OCIAD1: variants seen among roughly 807,000 people sequenced by gnomAD.
OCIAD1 encodes the protein OCIA domain-containing protein 1.
In OCIAD1, 29 loss-of-function variants were observed where a neutral mutation model predicts 38.9. The ratio of observed to expected loss-of-function variants is 0.74; its 90% CI spans 0.55 to 1.02. OCIAD1 has a LOEUF of 1.02. OCIAD1 is among the 50% of genes least tolerant of loss of function. OCIAD1 has a pLI of 0.00. For missense variants in OCIAD1, 288 were observed against 289.6 expected, an observed-to-expected ratio of 0.99 and a Z score of 0.04; for synonymous variants, 110 against 92.0, an observed-to-expected ratio of 1.20 and a Z score of -1.12.
intron 8 of OCIAD1, among the ~76,000 whole-genome samples, chr4:48,857,876 AG>A (rs2109626178): frequency 1.3e-5 from 2 of 152,276 alleles, no homozygotes; most frequent in South Asian, 4.1e-4. Context: ...AGTCAAGGCC[AG>A]GTGTGGTGTC....
At chr4:48,852,282 A>G (rs1779554504) in intron 7 of OCIAD1, 2 of 226,672 alleles carry the variant, frequency 8.8e-6, no homozygotes, top group East Asian at 1.8e-4. Flanking sequence ...AGTAATTGAA[A>G]ATACTAAGGC....
chr4:48,852,722 AT>A (rs1779597103), intron 7 of OCIAD1, among the ~76,000 whole-genome samples: 1 of 152,138 alleles, frequency 6.6e-6, no homozygotes, highest in African/African-American at 2.4e-5. Flanking sequence ...ATCAGAGGCA[AT>A]GTCTGGCAAA....
chr4:48,846,624 T>A (rs1779000420), intron 4 of OCIAD1, among the ~76,000 whole-genome samples: 1 of 151,980 alleles, frequency 6.6e-6, no homozygotes, highest in South Asian at 2.1e-4. Flanking sequence ...GGTGTGCACC[T>A]GTAGTCCCAG....
chr4:48,819,566 A>G (rs753898897), intron 1 of OCIAD1, among the ~76,000 whole-genome samples: 14 of 152,078 alleles, frequency 9.2e-5, no homozygotes, highest in Admixed American at 3.3e-4. Context: ...CTTCAGTGTA[A>G]ATGGGCTAAA....
chr4:48,859,886 T>C (rs1218108765), intron 8 of OCIAD1, among the ~76,000 whole-genome samples: 1 of 152,206 alleles, frequency 6.6e-6, no homozygotes, highest in African/African-American at 2.4e-5. Context: ...CCACACATCC[T>C]GTAGCTTCTA....
At position 48,833,389 on chromosome 4, in the gene OCIAD1, C is replaced by T. The variant is rs763185353; in HGVS notation, c.59-12C>T. The T allele has an allele frequency of 2.7e-6, 4 of 1,504,126 alleles. No homozygotes were observed. Among genetic ancestry groups the T allele is most frequent in the Non-Finnish European group, 3.7e-6 (4 of 1,092,642 alleles). 93.2% of individuals were successfully genotyped at this position (1,504,126 alleles called of 1,614,324 possible). ...GATAATTTAATGTTTTCTGATTTTC[C>T]CTGGTAAAAAGACATAGGGCCTGAT... On this transcript the variant is annotated splice_polypyrimidine_tract_variant and intron_variant, in intron 2 of 8. Coordinates refer to ENST00000264312, the MANE Select transcript of OCIAD1 (RefSeq NM_017830.4).
chr4:48,837,067 G>T lies in OCIAD1; in HGVS notation c.139+3586G>T, dbSNP rs1187248538. ...GCTCACTGCAAGCTCCGCCTCCTGG[G>T]TTCATACCATTCTCCTGCCTCAGCC... On this transcript the variant is annotated intron_variant, in intron 3 of 8. Transcript: ENST00000264312. 3.9e-5 allele frequency: 6 copies of T among 152,184 alleles called. No individual in the cohort carries two copies. In the East Asian group the frequency reaches 1.2e-3, roughly 29 times the overall value. The allele number at this position is 152,184 out of a possible 1,614,324, so 9.4% of individuals were successfully genotyped here. A position where few individuals can be genotyped will look rare whatever the true frequency, so the allele number is the denominator to read the frequency against.
chr4:48,833,145 G>A (rs540347559), intron 2 of OCIAD1, among the ~76,000 whole-genome samples: 36 of 152,212 alleles, frequency 2.4e-4, no homozygotes, highest in African/African-American at 8.4e-4. Flanking sequence ...CAGCTACTCG[G>A]AAGGCTGAGG....
chr4:48,844,708 A>G (rs1002261180), intron 4 of OCIAD1, among the ~76,000 whole-genome samples: 2 of 152,158 alleles, frequency 1.3e-5, no homozygotes, highest in Admixed American at 1.3e-4. Context: ...GACATTTTGT[A>G]CAGTGGTCCT....
chr4:48,861,040 T>C lies in OCIAD1; in HGVS notation c.*278T>C, dbSNP rs1780559210. On this transcript the variant is annotated 3_prime_UTR_variant, in exon 9 of 9. Transcript: ENST00000264312. ...ATTGTTGCAAGGGCAAAGATAACTCTTAAAAAACCGTCGAGATTACAATGC... is the reference window on the plus strand; with the variant it reads ...ATTGTTGCAAGGGCAAAGATAACTCCTAAAAAACCGTCGAGATTACAATGC... The C allele has an allele frequency of 2.8e-6, 1 of 351,314 alleles. No individual in the cohort carries two copies. The highest frequency in any genetic ancestry group is 2.1e-5 in the African/African-American group (1 of 47,016). 21.8% of individuals were successfully genotyped at this position (351,314 alleles called of 1,614,324 possible). A position where few individuals can be genotyped will look rare whatever the true frequency, so the allele number is the denominator to read the frequency against.
chr4:48,845,964 A>G lies in OCIAD1; in HGVS notation c.194-2435A>G, dbSNP rs187777936. Among the ~76,000 whole-genome samples the G allele has an allele frequency of 2.3e-3, 357 of 152,354 alleles. 3 individuals carry two copies. Among genetic ancestry groups the G allele is most frequent in the Non-Finnish European group, 9.7e-4 (66 of 68,036 alleles). ...CTACTTCTCCTTAGGAAAATAAGCT[A>G]TTTCTAGCACCTGACAGAGGACATA... On this transcript the variant is annotated intron_variant, in intron 4 of 8. Transcript: ENST00000264312.
At chr4:48,819,459 G>C (rs1311518118) in intron 1 of OCIAD1, among the ~76,000 whole-genome samples, 1 of 151,912 alleles carries the variant, frequency 6.6e-6, no homozygotes, top group Non-Finnish European at 1.5e-5. Context: ...AAAATATAAA[G>C]ACCAATGACA....
intron 1 of OCIAD1, among the ~76,000 whole-genome samples, chr4:48,831,776 A>G (rs1230818986): frequency 6.6e-5 from 10 of 152,094 alleles, no homozygotes; most frequent in Admixed American, 2.6e-4. Flanking sequence ...CTTTTCTCTA[A>G]TTAAGGGGTT....
intron 2 of OCIAD1, 29 bp from the exon 3 acceptor site, chr4:48,833,372 A>T: frequency 1.5e-6 from 2 of 1,315,930 alleles, no homozygotes; most frequent in Non-Finnish European, 2.2e-6. Context: ...TGGATAATTT[A>T]ATGTTTTCTG....
intron 1 of OCIAD1, among the ~76,000 whole-genome samples, chr4:48,824,581 CT>C: frequency 6.6e-6 from 1 of 151,402 alleles, no homozygotes. Context: ...GAGATAGGGT[CT>C]TTTTATGTTG....
intron 1 of OCIAD1, among the ~76,000 whole-genome samples, chr4:48,823,847 T>TTTG (rs397947068): frequency 6.7e-6 from 1 of 148,182 alleles, no homozygotes; most frequent in Admixed American, 6.8e-5. Flanking sequence ...TTTTTTTTTT[T>TTTG]GTAGAGATGG....
At chr4:48,808,153 G>A (rs951689718) in intron 1 of OCIAD1, among the ~76,000 whole-genome samples, 1 of 152,110 alleles carries the variant, frequency 6.6e-6, no homozygotes, top group Admixed American at 6.5e-5. Context: ...AAACCCAGAT[G>A]TTGCAAATGT....
At chr4:48,823,197 A>G (rs1356723512) in intron 1 of OCIAD1, among the ~76,000 whole-genome samples, 4 of 152,244 alleles carry the variant, frequency 2.6e-5, no homozygotes, top group Non-Finnish European at 5.9e-5. Flanking sequence ...ATACCATGGA[A>G]TACTATGGAG....
chr4:48,847,038 A>C (rs902349801), intron 4 of OCIAD1, among the ~76,000 whole-genome samples: 10 of 152,310 alleles, frequency 6.6e-5, no homozygotes, highest in African/African-American at 2.4e-4. Flanking sequence ...ATATTTATTT[A>C]GCTTTAGTAG....
Sources: gnomAD v4.1 joint callset for allele counts (sites outside exome capture counted in the v4.1 genomes callset) on GRCh38, gnomAD v4.1.1 for gene constraint, MANE v1.5 for transcripts, NCBI Gene and HGNC (gene_info 2026-07-23, HGNC 2026-07-21) for gene names.